The following CELF4 variants were observed in gnomAD, a reference collection of about 807,000 sequenced individuals.
CELF4 encodes CUG-BP- and ETR-3-like factor 4.
CELF4 carries 18 observed loss-of-function variants against 59.9 expected under a neutral mutation model. The observed-to-expected ratio is 0.30, with a 90% CI of 0.21 to 0.45. The LOEUF (loss-of-function observed/expected upper bound fraction) is 0.45, where lower values mean the gene tolerates loss of function less well. CELF4 is among the 20% of genes least tolerant of loss of function. The probability of loss-of-function intolerance (pLI) is 1.00; values close to 1 mark genes in which losing one functional copy is unlikely to be tolerated. For missense variants in CELF4, 456 were observed against 689.0 expected, an observed-to-expected ratio of 0.66 and a Z score of 3.79; for synonymous variants, 261 against 267.1, an observed-to-expected ratio of 0.98 and a Z score of 0.22.
chr18:37,360,325 C>T (rs2098682069), intron 2 of CELF4, among the ~76,000 whole-genome samples: 1 of 152,188 alleles, frequency 6.6e-6, no homozygotes, highest in African/African-American at 2.4e-5. Context: ...CACTTTATCA[C>T]TGCTGGGCCA....
At chr18:37,345,892 G>T (rs1043199412) in intron 2 of CELF4, among the ~76,000 whole-genome samples, 3 of 152,162 alleles carry the variant, frequency 2.0e-5, no homozygotes, top group African/African-American at 7.2e-5. Flanking sequence ...TCAGTGCTGA[G>T]GTGGCTGAAT....
At chr18:37,470,097 C>T (rs111396630) in intron 2 of CELF4, among the ~76,000 whole-genome samples, 5 of 152,160 alleles carry the variant, frequency 3.3e-5, no homozygotes, top group Non-Finnish European at 7.3e-5. Context: ...TTAAGGAGTT[C>T]GCTGAAGTCT....
chr18:37,494,750 GC>G (rs956354308), intron 1 of CELF4, among the ~76,000 whole-genome samples: 2 of 152,146 alleles, frequency 1.3e-5, no homozygotes, highest in African/African-American at 4.8e-5. Flanking sequence ...CTCAGTTCCT[GC>G]TTTCCCCTCC....
At chr18:37,281,549 T>A (rs2094141853) in intron 3 of CELF4, among the ~76,000 whole-genome samples, 3 of 152,118 alleles carry the variant, frequency 2.0e-5, no homozygotes, top group Non-Finnish European at 4.4e-5. Context: ...GTACATGGCT[T>A]TGAGGTCTAG....
chr18:37,462,688 A>G (rs1377770154), intron 2 of CELF4, among the ~76,000 whole-genome samples: 16 of 152,146 alleles, frequency 1.1e-4, no homozygotes, highest in Admixed American at 1.0e-3. Context: ...CATGAAGGGA[A>G]GTAAAAGGGC....
chr18:37,383,671 C>T lies in CELF4; in HGVS notation c.370-61790G>A, dbSNP rs114941754. Among the ~76,000 whole-genome samples the T allele has an allele frequency of 4.3e-3, 651 of 152,304 alleles. 10 individuals are homozygous for T. Among genetic ancestry groups the T allele is most frequent in the African/African-American group, 0.015 (612 of 41,570 alleles). On this transcript the variant is annotated intron_variant, in intron 2 of 12. Transcript: ENST00000420428. The stretch of plus-strand genomic sequence containing the variant: ...TTCTTTTCCAAGCACGTCCACATCT[C>T]GTTTGATTCCCATGATAGTCTTGTG...
intron 2 of CELF4, among the ~76,000 whole-genome samples, chr18:37,390,161 G>T (rs982462719): frequency 6.6e-6 from 1 of 152,222 alleles, no homozygotes; most frequent in Non-Finnish European, 1.5e-5. Context: ...TGCTGTAGGT[G>T]GCATATGTCC....
intron 10 of CELF4, 57 bp downstream of exon 10, chr18:37,264,617 G>T: frequency 2.1e-6 from 3 of 1,444,412 alleles, no homozygotes; most frequent in Non-Finnish European, 1.9e-6. Flanking sequence ...CAGGTGAGCA[G>T]CCTCTTTGGG....
intron 1 of CELF4, among the ~76,000 whole-genome samples, chr18:37,547,994 T>C (rs983857132): frequency 2.0e-5 from 3 of 152,122 alleles, no homozygotes; most frequent in Non-Finnish European, 2.9e-5. Flanking sequence ...CTTGCATATA[T>C]GAGTATCTAT....
intron 2 of CELF4, among the ~76,000 whole-genome samples, chr18:37,461,545 CG>C (rs1354229276): frequency 6.6e-6 from 1 of 152,170 alleles, no homozygotes; most frequent in East Asian, 1.9e-4. Context: ...CCTCCCACAA[CG>C]GGTGGGGATA....
intron 3 of CELF4, among the ~76,000 whole-genome samples, chr18:37,320,014 A>C (rs986528449): frequency 6.6e-6 from 1 of 152,168 alleles, no homozygotes; most frequent in Non-Finnish European, 1.5e-5. Flanking sequence ...TGGAGGCTGT[A>C]CCTAATGTCA....
At chr18:37,377,894 G>C (rs1470040516) in intron 2 of CELF4, among the ~76,000 whole-genome samples, 1 of 152,152 alleles carries the variant, frequency 6.6e-6, no homozygotes, top group East Asian at 1.9e-4. Flanking sequence ...CTCTCAGAAG[G>C]AGATGGGGGA....
chr18:37,424,038 C>T (rs1213095720), intron 2 of CELF4, among the ~76,000 whole-genome samples: 10 of 151,780 alleles, frequency 6.6e-5, no homozygotes, highest in Admixed American at 6.6e-4. Context: ...AGACAACTTC[C>T]TGCTCCATGC....
chr18:37,371,319 A>G (rs1336800176), intron 2 of CELF4, among the ~76,000 whole-genome samples: 2 of 152,358 alleles, frequency 1.3e-5, no homozygotes, highest in East Asian at 3.9e-4. Context: ...TCATAGTGCC[A>G]GCCCTGGAGC....
At chr18:37,531,924 T>G (rs2099969922) in intron 1 of CELF4, among the ~76,000 whole-genome samples, 2 of 152,192 alleles carry the variant, frequency 1.3e-5, no homozygotes, top group African/African-American at 4.8e-5. Context: ...CTGTTAACTC[T>G]GGTCTCAATC....
chr18:37,349,839 A>G (rs1409813091), intron 2 of CELF4, among the ~76,000 whole-genome samples: 2 of 152,214 alleles, frequency 1.3e-5, no homozygotes, highest in Non-Finnish European at 2.9e-5. Context: ...GCAAAGGCTC[A>G]GAGACAGAGG....
At chr18:37,334,243 C>T (rs911449694) in intron 2 of CELF4, among the ~76,000 whole-genome samples, 1 of 152,226 alleles carries the variant, frequency 6.6e-6, no homozygotes, top group East Asian at 1.9e-4. Flanking sequence ...GGTACCAGCG[C>T]CCCACTGGGC....
At chr18:37,474,166 T>C (rs1281263757) in intron 2 of CELF4, among the ~76,000 whole-genome samples, 1 of 152,210 alleles carries the variant, frequency 6.6e-6, no homozygotes, top group Non-Finnish European at 1.5e-5. Context: ...TGTTATTTGT[T>C]GAGGCCACTG....
rs74875908 is a variant in CELF4 at position 37,437,251 on chromosome 18, C to T, written c.369+48274G>A. 7.8e-3 allele frequency among the ~76,000 whole-genome samples: 1,187 copies of T among 152,288 alleles called. 23 individuals are homozygous for T. Among genetic ancestry groups the T allele is most frequent in the African/African-American group, 0.028 (1,148 of 41,544 alleles). ...ATGAGAAGGCAGGAGAAGCAGGAAC[C>T]AGAAGCAATTTCCCAAGCTGGAGGC... is the stretch of plus-strand genomic sequence containing the variant. On this transcript the variant is annotated intron_variant, in intron 2 of 12. Coordinates refer to ENST00000420428, the MANE Select transcript of CELF4 (RefSeq NM_020180.4).
Sources: gnomAD v4.1 joint callset for allele counts (sites outside exome capture counted in the v4.1 genomes callset) on GRCh38, gnomAD v4.1.1 for gene constraint, MANE v1.5 for transcripts, NCBI Gene and HGNC (gene_info 2026-07-23, HGNC 2026-07-21) for gene names.